Variants in ACOXL observed in about 807,000 individuals in gnomAD.
The protein encoded by ACOXL is acyl-CoA oxidase like, also known as acyl-coenzyme A oxidase-like protein.
Under a neutral mutation model 71.9 loss-of-function variants are expected in ACOXL, and 70 were observed. That is an observed-to-expected ratio of 0.97 (90% CI 0.80 to 1.19). The LOEUF (loss-of-function observed/expected upper bound fraction) is 1.19, where lower values mean the gene tolerates loss of function less well. ACOXL is among the 50% of genes most tolerant of loss of function. The pLI, the probability that ACOXL is intolerant of heterozygous loss-of-function variation, is 0.00. For missense variants in ACOXL, 703 were observed against 736.3 expected, an observed-to-expected ratio of 0.95 and a Z score of 0.52; for synonymous variants, 253 against 281.6, an observed-to-expected ratio of 0.90 and a Z score of 1.02.
chr2:110,785,490 C>T (rs770003924), intron 3 of ACOXL, among the ~76,000 whole-genome samples: 30 of 151,534 alleles, frequency 2.0e-4, no homozygotes, highest in Non-Finnish European at 3.4e-4. Context: ...AAGAAACTTC[C>T]GGGTCCTACC....
intron 14 of ACOXL, among the ~76,000 whole-genome samples, chr2:111,029,946 C>G (rs2065188904): frequency 6.6e-6 from 1 of 152,062 alleles, no homozygotes; most frequent in South Asian, 2.1e-4. Flanking sequence ...ACCTGAAGTC[C>G]CTTCTTCAGG....
chr2:110,876,022 A>T (rs1161079771), intron 10 of ACOXL, among the ~76,000 whole-genome samples: 1 of 152,170 alleles, frequency 6.6e-6, no homozygotes, highest in African/African-American at 2.4e-5. Flanking sequence ...GGGAGCCTGG[A>T]TGCCTCTGCT....
chr2:111,048,308 A>C (rs1024305797), intron 15 of ACOXL, among the ~76,000 whole-genome samples: 1 of 152,254 alleles, frequency 6.6e-6, no homozygotes, highest in Middle Eastern at 3.2e-3. Context: ...GCAGAGAGCA[A>C]TGAAAGGTCA....
chr2:110,899,539 T>A (rs1174034936), intron 10 of ACOXL, among the ~76,000 whole-genome samples: 1 of 152,148 alleles, frequency 6.6e-6, no homozygotes, highest in Non-Finnish European at 1.5e-5. Context: ...TTCCTTACTT[T>A]TATGGCCAAG....
intron 10 of ACOXL, among the ~76,000 whole-genome samples, chr2:110,885,110 T>C (rs990071391): frequency 6.6e-6 from 1 of 152,070 alleles, no homozygotes; most frequent in African/African-American, 2.4e-5. Context: ...TGTATATGAG[T>C]GCGTGGGGAA....
rs34917698 is a variant in ACOXL, at chr2:110,785,370, T to TTGTGTGTGTGTG, written c.159+574_159+585dup. 4.4e-3 allele frequency among the ~76,000 whole-genome samples: 639 copies of TTGTGTGTGTGTG among 145,666 alleles called. 4 individuals carry two copies. Among genetic ancestry groups the TTGTGTGTGTGTG allele is most frequent in the African/African-American group, 0.015 (604 of 39,352 alleles). ...TTCACGAGTTTTTACATGCACTCAG[T>TTGTGTGTGTGTG]TGTGTGTGTGTGTGTGTGTGTGTGT... On this transcript the variant is annotated intron_variant, in intron 3 of 17. Transcript: ENST00000439055.
intron 10 of ACOXL, among the ~76,000 whole-genome samples, chr2:110,881,892 T>G (rs1389796519): frequency 1.5e-5 from 1 of 67,232 alleles, no homozygotes; most frequent in East Asian, 4.1e-4. Flanking sequence ...GGACATTGGG[T>G]TTTTTTTTTA....
At chr2:111,007,496 A>G (rs554681331) in intron 14 of ACOXL, among the ~76,000 whole-genome samples, 1 of 152,256 alleles carries the variant, frequency 6.6e-6, no homozygotes, top group African/African-American at 2.4e-5. Context: ...ATCCAATATT[A>G]TGATTTATTT....
At chr2:111,073,869 G>A (rs2067464700) in intron 16 of ACOXL, among the ~76,000 whole-genome samples, 1 of 152,110 alleles carries the variant, frequency 6.6e-6, no homozygotes, top group Non-Finnish European at 1.5e-5. Context: ...AATGTACTAT[G>A]TTGACTCTTC....
rs183258654 is a variant in ACOXL at position 111,088,015 on chromosome 2, C to T, written c.1441-4850C>T. Among the ~76,000 whole-genome samples, 725 of 152,268 alleles carry T rather than the reference C, an allele frequency of 4.8e-3. 4 individuals carry two copies. Among genetic ancestry groups the T allele is most frequent in the Admixed American group, 8.0e-3 (123 of 15,284 alleles). ...AACAGACACTTCAGAAGAAGACATA[C>T]ATGTGGCCAAAAAGCATATGAAAAA... On this transcript the variant is annotated intron_variant, in intron 16 of 17. Coordinates refer to ENST00000439055, the MANE Select transcript of ACOXL (RefSeq NM_001142807.4).
intron 12 of ACOXL, among the ~76,000 whole-genome samples, chr2:110,944,301 G>C (rs993761105): frequency 3.3e-5 from 5 of 151,290 alleles, no homozygotes; most frequent in African/African-American, 9.7e-5. Context: ...TCATCCACCT[G>C]CTTCAGCCTC....
At chr2:110,947,811 GC>G (rs1323430102) in intron 12 of ACOXL, among the ~76,000 whole-genome samples, 11 of 152,220 alleles carry the variant, frequency 7.2e-5, no homozygotes. Context: ...TGGAACTCAA[GC>G]CCAGCTGCTG....
intron 10 of ACOXL, among the ~76,000 whole-genome samples, chr2:110,846,787 T>TG (rs540315504): frequency 0.17 from 25,846 of 149,944 alleles, 2,330 homozygotes; most frequent in South Asian, 0.23. Context: ...GTGTGTGTGT[T>TG]GGGGGGGGTG....
chr2:110,836,446 T>C (rs1690480636), intron 9 of ACOXL, among the ~76,000 whole-genome samples: 1 of 151,900 alleles, frequency 6.6e-6, no homozygotes, highest in Non-Finnish European at 1.5e-5. Flanking sequence ...TGGCTCTCTT[T>C]GAGTGGTATT....
chr2:111,008,973 A>G (rs959849029), intron 14 of ACOXL, among the ~76,000 whole-genome samples: 3 of 152,168 alleles, frequency 2.0e-5, no homozygotes, highest in Non-Finnish European at 4.4e-5. Context: ...TTTGAAGAGT[A>G]CTTTCTACAT....
chr2:111,083,567 T>C (rs1015999938), intron 16 of ACOXL, among the ~76,000 whole-genome samples: 2 of 151,862 alleles, frequency 1.3e-5, no homozygotes, highest in Non-Finnish European at 2.9e-5. Context: ...TTTTTTTGTT[T>C]TTTTTTTTGA....
At chr2:110,852,001 C>T (rs769437372) in intron 10 of ACOXL, among the ~76,000 whole-genome samples, 4 of 152,168 alleles carry the variant, frequency 2.6e-5, no homozygotes, top group African/African-American at 9.7e-5. Flanking sequence ...GGAGGAAGCC[C>T]CCAGCATATT....
intron 11 of ACOXL, among the ~76,000 whole-genome samples, chr2:110,915,350 A>ATATATATATATG (rs1491355100): frequency 3.1e-4 from 35 of 113,626 alleles, no homozygotes; most frequent in South Asian, 2.0e-3. Flanking sequence ...ATATATATAT[A>ATATATATATATG]TGTGTGTGTG....
At chr2:110,784,199 A>G (rs980676296) in intron 2 of ACOXL, among the ~76,000 whole-genome samples, 1 of 151,952 alleles carries the variant, frequency 6.6e-6, no homozygotes, top group African/African-American at 2.4e-5. Flanking sequence ...AGCCAGGATG[A>G]TCGTTTGAGC....
Sources: gnomAD v4.1 joint callset for allele counts (sites outside exome capture counted in the v4.1 genomes callset) on GRCh38, gnomAD v4.1.1 for gene constraint, MANE v1.5 for transcripts, NCBI Gene and HGNC (gene_info 2026-07-23, HGNC 2026-07-21) for gene names.